FARP1: variants seen among roughly 807,000 people sequenced by gnomAD.
FARP1 encodes the protein FERM, ARH/RhoGEF and pleckstrin domain protein 1.
FARP1 carries 52 observed loss-of-function variants against 128.8 expected under a neutral mutation model. That is an observed-to-expected ratio of 0.40 (90% CI 0.32 to 0.51). The LOEUF (loss-of-function observed/expected upper bound fraction) is 0.51. Ranked by LOEUF, FARP1 falls within the 20% of genes least tolerant of loss-of-function variation. The pLI, the probability that FARP1 is intolerant of heterozygous loss-of-function variation, is 0.45. For missense variants in FARP1, 1,333 were observed against 1,367.9 expected (o/e 0.97, Z 0.40); for synonymous variants, 580 against 551.8 (o/e 1.05, Z -0.72).
chr13:98,235,821 C>T (rs1594304329), intron 2 of FARP1, among the ~76,000 whole-genome samples: 1 of 137,052 alleles, frequency 7.3e-6, no homozygotes, highest in Non-Finnish European at 1.6e-5. Context: ...TCACCTCTGT[C>T]TTTTTTTTTT....
rs56030081 is a variant in FARP1, at chr13:98,309,153, C to CTTTTTTTTTTTTTTTTTTTTTTTTTTT, written c.172-34605_172-34579dup. Reference sequence around the variant, plus strand: ...TATATTAATATTAATTTTAAGAGGCCTTTTTTTTTTTTTTTTTTTTTTTTT... The same window carrying CTTTTTTTTTTTTTTTTTTTTTTTTTTT: ...TATATTAATATTAATTTTAAGAGGCCTTTTTTTTTTTTTTTTTTTTTTTTTTTTTTTTTTTTTTTTTTTTTTTTTTTT... On this transcript the variant is annotated intron_variant, in intron 2 of 26. Coordinates refer to ENST00000319562, the MANE Select transcript of FARP1 (RefSeq NM_005766.4). 5.6e-5 allele frequency among the ~76,000 whole-genome samples: 5 copies of CTTTTTTTTTTTTTTTTTTTTTTTTTTT among 89,670 alleles called. 2 individuals are homozygous for CTTTTTTTTTTTTTTTTTTTTTTTTTTT. Among genetic ancestry groups the CTTTTTTTTTTTTTTTTTTTTTTTTTTT allele is most frequent in the South Asian group, 9.1e-4 (2 of 2,186 alleles). The allele number at this position is 89,670 out of a possible 152,430, so 58.8% of individuals were successfully genotyped here.
At chr13:98,153,099 A>G (rs180989507) in intron 1 of FARP1, among the ~76,000 whole-genome samples, 1 of 151,664 alleles carries the variant, frequency 6.6e-6, no homozygotes, top group African/African-American at 2.4e-5. Context: ...TTCCTTTGTA[A>G]TCTTAACTGG....
At chr13:98,446,067 T>C (rs1892814706) in intron 24 of FARP1, 31 bp from the exon 25 acceptor site, 11 of 1,492,236 alleles carry the variant, frequency 7.4e-6, no homozygotes, top group Non-Finnish European at 1.0e-5. Context: ...AGGTGCCCGC[T>C]GTGCTTCTCA....
At position 98,446,734 on chromosome 13, in the gene FARP1, C is replaced by T. The variant is rs1892865171; in HGVS notation, c.2973C>T (p.Asn991=). 3 of 1,614,184 alleles carry T rather than the reference C, an allele frequency of 1.9e-6. No individual in the cohort carries two copies. Among genetic ancestry groups the T allele is most frequent in the Middle Eastern group, 1.6e-4 (1 of 6,062 alleles). The change falls in exon 26 of 27, where the codon AAC becomes AAT. Residue 991 remains asparagine, a synonymous_variant. Coordinates refer to ENST00000319562, the MANE Select transcript of FARP1 (RefSeq NM_005766.4). ...TCACCATCCCCTCTGAGTCCGAGAA[C>T]ATCCAGAAAGACTACGTGTTCAAGC... The part of the protein sequence containing the change: ...YSLTIPSESE[N]IQKDYVFKLH...
At chr13:98,431,302 C>T in intron 18 of FARP1, 22 bp downstream of exon 18, 1 of 1,521,446 alleles carries the variant, frequency 6.6e-7, no homozygotes, top group Admixed American at 1.9e-5. Context: ...GAGCCTGCGC[C>T]ACCTGGTGCC....
chr13:98,335,866 C>G (rs1178684358), intron 2 of FARP1, among the ~76,000 whole-genome samples: 1 of 152,142 alleles, frequency 6.6e-6, no homozygotes, highest in Non-Finnish European at 1.5e-5. Context: ...ACAAGGCCTT[C>G]GAGACCAGCC....
intron 2 of FARP1, among the ~76,000 whole-genome samples, chr13:98,307,603 C>G (rs1886225358): frequency 6.6e-6 from 1 of 152,188 alleles, no homozygotes; most frequent in Non-Finnish European, 1.5e-5. Context: ...GCCTCTTCAT[C>G]AGCTCCCTCC....
At chr13:98,413,678 T>G (rs1891272033) in intron 16 of FARP1, among the ~76,000 whole-genome samples, 1 of 152,128 alleles carries the variant, frequency 6.6e-6, no homozygotes, top group African/African-American at 2.4e-5. Flanking sequence ...AAATTAAAAT[T>G]CTACCAAATG....
At chr13:98,308,951 G>C (rs1191237934) in intron 2 of FARP1, among the ~76,000 whole-genome samples, 1 of 152,064 alleles carries the variant, frequency 6.6e-6, no homozygotes, top group Non-Finnish European at 1.5e-5. Context: ...AAAGTGCTGG[G>C]ATTACAGGCG....
chr13:98,293,989 T>G (rs1045481313), intron 2 of FARP1, among the ~76,000 whole-genome samples: 1 of 152,240 alleles, frequency 6.6e-6, no homozygotes, highest in Non-Finnish European at 1.5e-5. Flanking sequence ...TGGGCTTTAC[T>G]CTTTACCAAG....
intron 2 of FARP1, among the ~76,000 whole-genome samples, chr13:98,308,429 A>G (rs969396724): frequency 4.0e-5 from 6 of 150,674 alleles, no homozygotes; most frequent in African/African-American, 1.2e-4. Context: ...GGTGCAGCGA[A>G]TGCATCACCT....
intron 1 of FARP1, among the ~76,000 whole-genome samples, chr13:98,150,635 C>T (rs537043220): frequency 2.0e-5 from 3 of 152,244 alleles, no homozygotes; most frequent in African/African-American, 7.2e-5. Flanking sequence ...AAGAATAGCA[C>T]ATTTCTTGTC....
At chr13:98,288,313 TC>T (rs2139654772) in intron 2 of FARP1, among the ~76,000 whole-genome samples, 1 of 152,264 alleles carries the variant, frequency 6.6e-6, no homozygotes, top group African/African-American at 2.4e-5. Context: ...AATCTAAGCT[TC>T]ATAGCACGTA....
At chr13:98,161,012 T>C (rs1157750128) in intron 1 of FARP1, among the ~76,000 whole-genome samples, 1 of 152,086 alleles carries the variant, frequency 6.6e-6, no homozygotes, top group African/African-American at 2.4e-5. Flanking sequence ...TGATGGACTT[T>C]ATTATTCATA....
intron 2 of FARP1, among the ~76,000 whole-genome samples, chr13:98,273,979 C>T (rs1267170429): frequency 6.6e-6 from 1 of 152,156 alleles, no homozygotes; most frequent in African/African-American, 2.4e-5. Context: ...ATGACAACAC[C>T]ATGGTTTGAC....
chr13:98,321,620 G>A (rs1886994676), intron 2 of FARP1, among the ~76,000 whole-genome samples: 1 of 152,190 alleles, frequency 6.6e-6, no homozygotes, highest in Non-Finnish European at 1.5e-5. Flanking sequence ...TGGAGGCAGA[G>A]ACAGAAGGCT....
rs11840259 is a variant in FARP1 at position 98,448,849 on chromosome 13, T to A, written c.*532T>A. On this transcript the variant is annotated 3_prime_UTR_variant, in exon 27 of 27. Coordinates refer to ENST00000319562, the MANE Select transcript of FARP1 (RefSeq NM_005766.4). ...TACTTTTGTAATAATAGGAAGTTAGTAGGACTCACTTCTCTGATTAATAAG... is the reference window on the plus strand; with the variant it reads ...TACTTTTGTAATAATAGGAAGTTAGAAGGACTCACTTCTCTGATTAATAAG... The A allele has an allele frequency of 6.6e-6, 1 of 152,534 alleles. No individual in the cohort carries two copies. Among genetic ancestry groups the A allele is most frequent in the African/African-American group, 2.4e-5 (1 of 41,416 alleles). The allele number at this position is 152,534 out of a possible 1,614,324, so 9.4% of individuals were successfully genotyped here.
intron 2 of FARP1, among the ~76,000 whole-genome samples, chr13:98,214,193 G>C (rs568953596): frequency 6.6e-6 from 1 of 152,200 alleles, no homozygotes; most frequent in Non-Finnish European, 1.5e-5. Context: ...TCCTCAGATC[G>C]CTCCTGCGGG....
intron 3 of FARP1, among the ~76,000 whole-genome samples, chr13:98,356,004 CT>C (rs1335569607): frequency 1.3e-5 from 2 of 152,036 alleles, no homozygotes; most frequent in Non-Finnish European, 2.9e-5. Flanking sequence ...TTTACTGATA[CT>C]TGTTTTATGG....
Sources: allele counts gnomAD v4.1 joint callset (sites outside exome capture counted in the v4.1 genomes callset), GRCh38; gene constraint gnomAD v4.1.1; transcripts MANE v1.5; gene names NCBI Gene and HGNC (gene_info 2026-07-23, HGNC 2026-07-21).